ANK3: variants seen among roughly 807,000 people sequenced by gnomAD.
The protein encoded by ANK3 is ankyrin 3.
ANK3 carries 57 observed loss-of-function variants against 370.9 expected under a neutral mutation model. That is an observed-to-expected ratio of 0.15 (90% CI 0.12 to 0.19). The LOEUF (loss-of-function observed/expected upper bound fraction) is 0.19, where lower values mean the gene tolerates loss of function less well. ANK3 is among the 10% of genes least tolerant of loss of function. ANK3 has a pLI of 1.00. For missense variants in ANK3, 4,439 were observed against 5,302.1 expected (o/e 0.84, Z 5.06); for synonymous variants, 1,929 against 1,946.3 (o/e 0.99, Z 0.23).
chr10:60,647,540 T>C (rs920946100), intron 1 of ANK3, among the ~76,000 whole-genome samples: 1 of 151,608 alleles, frequency 6.6e-6, no homozygotes, highest in Non-Finnish European at 1.5e-5. Flanking sequence ...ACAATATAAA[T>C]ACTTAGATGA....
At chr10:60,572,627 A>G (rs1007164297) in intron 2 of ANK3, 2 of 1,485,680 alleles carry the variant, frequency 1.3e-6, no homozygotes, top group Non-Finnish European at 1.8e-6. Context: ...ACCAAAGTCC[A>G]TTTACGGGTG....
chr10:60,679,715 C>T (rs1159680555), intron 1 of ANK3, among the ~76,000 whole-genome samples: 2 of 152,204 alleles, frequency 1.3e-5, no homozygotes, highest in Non-Finnish European at 1.5e-5. Context: ...TGTATAAAAA[C>T]TCCACGTCAA....
intron 2 of ANK3, among the ~76,000 whole-genome samples, chr10:60,420,043 C>A (rs989961301): frequency 6.6e-5 from 10 of 152,048 alleles, no homozygotes; most frequent in Non-Finnish European, 1.5e-4. Flanking sequence ...AATAACAAGT[C>A]CACTTTGACG....
At chr10:60,130,990 C>T (rs1377691310) in intron 25 of ANK3, among the ~76,000 whole-genome samples, 4 of 152,174 alleles carry the variant, frequency 2.6e-5, no homozygotes, top group East Asian at 3.8e-4. Flanking sequence ...ATTAACATTG[C>T]TATATTTGCT....
intron 2 of ANK3, among the ~76,000 whole-genome samples, chr10:60,416,067 C>A (rs1174392171): frequency 6.6e-6 from 1 of 151,658 alleles, no homozygotes. Context: ...AAAAAAGACC[C>A]AAGAAAGACC....
intron 8 of ANK3, among the ~76,000 whole-genome samples, chr10:60,232,506 A>G (rs1439428634): frequency 6.6e-6 from 1 of 152,190 alleles, no homozygotes; most frequent in Non-Finnish European, 1.5e-5. Flanking sequence ...CATTCTTTAC[A>G]TACTGATAAT....
intron 2 of ANK3, among the ~76,000 whole-genome samples, chr10:60,463,695 A>T (rs115645867): frequency 0.011 from 1,553 of 147,062 alleles, 35 homozygotes; most frequent in African/African-American, 0.037. Flanking sequence ...AAAAAACCCA[A>T]ACCAAATAAT....
At chr10:60,042,198 A>G (rs1344420189) in intron 43 of ANK3, among the ~76,000 whole-genome samples, 4 of 152,212 alleles carry the variant, frequency 2.6e-5, no homozygotes, top group East Asian at 1.9e-4. Flanking sequence ...AACACCAGAT[A>G]GATATGTCAG....
chr10:60,349,706 T>C (rs2056468492), intron 1 of ANK3, among the ~76,000 whole-genome samples: 1 of 152,138 alleles, frequency 6.6e-6, no homozygotes, highest in African/African-American at 2.4e-5. Context: ...GATATATAAA[T>C]AGTAGCAATC....
intron 5 of ANK3, among the ~76,000 whole-genome samples, chr10:60,265,248 C>T (rs2097860172): frequency 6.6e-6 from 1 of 152,160 alleles, no homozygotes; most frequent in South Asian, 2.1e-4. Context: ...CCATTACCTC[C>T]TGTCTCCCCA....
intron 1 of ANK3, among the ~76,000 whole-genome samples, chr10:60,669,337 C>A (rs891296415): frequency 1.3e-5 from 2 of 152,222 alleles, no homozygotes; most frequent in Non-Finnish European, 2.9e-5. Flanking sequence ...CAGCCACTTA[C>A]ACCCATTTTA....
intron 2 of ANK3, among the ~76,000 whole-genome samples, chr10:60,437,957 T>A (rs945962941): frequency 6.6e-6 from 1 of 152,214 alleles, no homozygotes; most frequent in African/African-American, 2.4e-5. Context: ...AACTCTATGC[T>A]TTTATTAAAT....
At chr10:60,306,954 T>C (rs543277377) in intron 1 of ANK3, among the ~76,000 whole-genome samples, 1 of 152,268 alleles carries the variant, frequency 6.6e-6, no homozygotes, top group Non-Finnish European at 1.5e-5. Flanking sequence ...GGTCTCAAAC[T>C]TCTGGCCTCA....
In ANK3 at chr10:60,543,581, A is replaced by T. The variant is rs10994410; in HGVS notation, c.96+71605T>A. On this transcript the variant is annotated intron_variant, in intron 2 of 43. Coordinates refer to the ANK3 transcript ENST00000373827. ...TTTTGTATACACAGGCTATCTCTGA[A>T]AGGGAATTGACAACAGTGATTGCCT... Among the ~76,000 whole-genome samples, 395 of 152,186 alleles carry T rather than the reference A, an allele frequency of 2.6e-3. 3 individuals carry two copies. Among genetic ancestry groups the T allele is most frequent in the African/African-American group, 9.2e-3 (384 of 41,570 alleles).
chr10:60,726,260 A>T (rs1306233126), intron 1 of ANK3, among the ~76,000 whole-genome samples: 1 of 152,202 alleles, frequency 6.6e-6, no homozygotes, highest in African/African-American at 2.4e-5. Flanking sequence ...CAAGCAATTA[A>T]ATTGTACAGC....
At chr10:60,427,127 A>G (rs1256109264) in intron 2 of ANK3, among the ~76,000 whole-genome samples, 3 of 152,204 alleles carry the variant, frequency 2.0e-5, no homozygotes, top group Non-Finnish European at 4.4e-5. Flanking sequence ...AATAATTCAC[A>G]GAGTCAGAGC....
intron 2 of ANK3, among the ~76,000 whole-genome samples, chr10:60,549,792 A>T (rs1410974445): frequency 6.6e-6 from 1 of 152,192 alleles, no homozygotes; most frequent in Non-Finnish European, 1.5e-5. Context: ...GTACATATAC[A>T]GGTACATAGA....
At chr10:60,706,376 C>T (rs965451647) in intron 1 of ANK3, among the ~76,000 whole-genome samples, 1 of 152,144 alleles carries the variant, frequency 6.6e-6, no homozygotes, top group Admixed American at 6.5e-5. Flanking sequence ...ACCTCCCTCC[C>T]AGCCGGAGAG....
At chr10:60,444,081 A>G (rs2064371758) in intron 2 of ANK3, among the ~76,000 whole-genome samples, 2 of 152,084 alleles carry the variant, frequency 1.3e-5, no homozygotes, top group African/African-American at 4.8e-5. Flanking sequence ...ATATATATGT[A>G]TCTCAAATGT....
Sources: allele counts gnomAD v4.1 joint callset (sites outside exome capture counted in the v4.1 genomes callset), GRCh38; gene constraint gnomAD v4.1.1; transcripts MANE v1.5; gene names NCBI Gene and HGNC (gene_info 2026-07-23, HGNC 2026-07-21).